ADAMTS10: variants seen among roughly 807,000 people sequenced by gnomAD.
ADAMTS10 encodes A disintegrin and metalloproteinase with thrombospondin motifs 10.
A neutral mutation model predicts 135.9 loss-of-function variants in ADAMTS10; 48 were observed. That is an observed-to-expected ratio of 0.35 (90% CI 0.28 to 0.45). The LOEUF (loss-of-function observed/expected upper bound fraction) is 0.45, where lower values mean the gene tolerates loss of function less well. ADAMTS10 is among the 20% of genes least tolerant of loss of function. ADAMTS10 has a pLI of 1.00. For synonymous variants in ADAMTS10, 621 were observed against 647.5 expected (o/e 0.96, Z 0.62); for missense variants, 1,131 against 1,565.2 (o/e 0.72, Z 4.68).
chr19:8,588,353 TGG>T (rs2042468260), intron 18 of ADAMTS10, among the ~76,000 whole-genome samples: 29 of 151,906 alleles, frequency 1.9e-4, no homozygotes, highest in Admixed American at 1.9e-3. Flanking sequence ...CCCAAAGCCC[TGG>T]GATTACAGGT....
intron 22 of ADAMTS10, 80 bp downstream of exon 22, chr19:8,586,041 AC>A: frequency 3.1e-6 from 5 of 1,601,882 alleles, no homozygotes; most frequent in Non-Finnish European, 3.4e-6. Context: ...TCTGCTCCCC[AC>A]CCCCCTGGAG....
chr19:8,605,021 A>G lies in ADAMTS10; in HGVS notation c.426T>C (p.Cys142=). The part of the protein sequence containing the change: ...ASSSHVAIST[C]GGLHGLIVAD... The stretch of plus-strand genomic sequence containing the variant: ...AGAATCCTCAGCTCACCAGGCCTCC[A>G]CAGGTGCTGATGGCCACATGGGAGC... The change falls in exon 4 of 26, where the codon TGT becomes TGC. Residue 142 remains cysteine, a synonymous_variant. Transcript: ENST00000597188. This position sits in a 1 kb window ranked among gnomAD's most constrained non-coding sequence, Gnocchi z 7.7. 1.2e-6 allele frequency: 2 copies of G among 1,605,450 alleles called. No individual in the cohort carries two copies. Among genetic ancestry groups the G allele is most frequent in the Non-Finnish European group, 1.7e-6 (2 of 1,176,742 alleles).
At chr19:8,603,088 C>T (rs575888927) in intron 5 of ADAMTS10, among the ~76,000 whole-genome samples, 1 of 152,302 alleles carries the variant, frequency 6.6e-6, no homozygotes, top group Admixed American at 6.5e-5. Flanking sequence ...GTATCTGATA[C>T]AACCACCACA....
chr19:8,600,710 G>A (rs1458379383), intron 6 of ADAMTS10, among the ~76,000 whole-genome samples: 4 of 151,956 alleles, frequency 2.6e-5, no homozygotes, highest in South Asian at 2.1e-4. Context: ...GTGTTAGCCA[G>A]GATGGTCTCC....
intron 6 of ADAMTS10, among the ~76,000 whole-genome samples, chr19:8,598,650 C>T (rs2042631128): frequency 6.9e-6 from 1 of 145,414 alleles, no homozygotes; most frequent in Admixed American, 7.2e-5. Context: ...AATCTTGGCT[C>T]ACTCACCTCC....
chr19:8,600,549 A>T (rs1359617170), intron 6 of ADAMTS10, among the ~76,000 whole-genome samples: 27 of 135,808 alleles, frequency 2.0e-4, no homozygotes, highest in South Asian at 2.3e-4. Context: ...CCCAGGCTGG[A>T]GTGCAGTGGC....
chr19:8,583,266 C>T (rs377340147), intron 25 of ADAMTS10, among the ~76,000 whole-genome samples: 2 of 151,900 alleles, frequency 1.3e-5, no homozygotes, highest in Non-Finnish European at 2.9e-5. Flanking sequence ...ATGGACCTGG[C>T]GCGGTGGCTC....
intron 12 of ADAMTS10, 64 bp downstream of exon 12, chr19:8,595,698 T>TGCCCCCCCC: frequency 1.5e-6 from 2 of 1,291,948 alleles, no homozygotes; most frequent in Non-Finnish European, 2.2e-6. Flanking sequence ...CTGGTGGAGT[T>TGCCCCCCCC]CCCTCCCCCA....
At position 8,596,686 on chromosome 19, in the gene ADAMTS10, C is replaced by T. The variant is rs781872602; in HGVS notation, c.1041-101G>A. ...TGGGGGTTGAGTCCTGCCTTGGAGGCGCCATCTGCCTCTCACCTGAAGCTG... is the reference window on the plus strand; with the variant it reads ...TGGGGGTTGAGTCCTGCCTTGGAGGTGCCATCTGCCTCTCACCTGAAGCTG... On this transcript the variant is annotated intron_variant, in intron 8 of 25. Coordinates refer to ENST00000597188, the MANE Select transcript of ADAMTS10 (RefSeq NM_030957.4). This position sits in a 1 kb window ranked among gnomAD's most constrained non-coding sequence, Gnocchi z 7.2. 7.0e-6 allele frequency: 10 copies of T among 1,427,690 alleles called. No homozygotes were observed. Among genetic ancestry groups the T allele is most frequent in the Middle Eastern group, 2.6e-4 (1 of 3,918 alleles). 88.4% of individuals were successfully genotyped at this position (1,427,690 alleles called of 1,614,324 possible). A position where few individuals can be genotyped will look rare whatever the true frequency, so the allele number is the denominator to read the frequency against.
Position 8,605,231 on chromosome 19 carries a change from G to C in ADAMTS10, c.216C>G (p.Ala72=). 6.2e-7 allele frequency: 1 copy of C among 1,613,598 alleles called. No individual in the cohort carries two copies. Among genetic ancestry groups the C allele is most frequent in the Non-Finnish European group, 8.5e-7 (1 of 1,179,772 alleles). The change falls in exon 4 of 26, where the codon GCC becomes GCG. Residue 72 remains alanine, a synonymous_variant. Transcript: ENST00000597188. The surrounding 1 kb of genome is among the most constrained non-coding windows in gnomAD (Gnocchi z 7.7). The stretch of plus-strand genomic sequence containing the variant: ...CCACTTTGTAGAAGAGGCGGGACTC[G>C]GCTGTGGCCCCCGTGCCGCGGCGCT... ...RRQRRGTGAT[A]ESRLFYKVAS...
chr19:8,587,735 A>T (rs868915454), intron 18 of ADAMTS10, among the ~76,000 whole-genome samples: 5 of 151,732 alleles, frequency 3.3e-5, no homozygotes, highest in South Asian at 2.1e-4. Flanking sequence ...ATTGAGACCA[A>T]CCTGGCTAAC....
chr19:8,605,533 C>G lies in ADAMTS10; in HGVS notation c.88+90G>C. On this transcript the variant is annotated intron_variant, in intron 3 of 25. Coordinates refer to ENST00000597188, the MANE Select transcript of ADAMTS10 (RefSeq NM_030957.4). The surrounding 1 kb of genome is among the most constrained non-coding windows in gnomAD (Gnocchi z 7.7). ...GGGCCTTCCCCCATTGACCCCCATCCCAGCCCCCTGATGCCTCTTTCTGTT... is the reference window on the plus strand; with the variant it reads ...GGGCCTTCCCCCATTGACCCCCATCGCAGCCCCCTGATGCCTCTTTCTGTT... 1 of 1,522,518 alleles carries G rather than the reference C, an allele frequency of 6.6e-7. No individual in the cohort carries two copies. The highest frequency in any genetic ancestry group is 8.9e-7 in the Non-Finnish European group (1 of 1,125,286). The allele number at this position is 1,522,518 out of a possible 1,614,324, so 94.3% of individuals were successfully genotyped here.
At position 8,586,736 on chromosome 19, in the gene ADAMTS10, A is replaced by G. The variant is rs926830513; in HGVS notation, c.2240-15T>C. 6.2e-7 allele frequency: 1 copy of G among 1,614,088 alleles called. No homozygotes were observed. The highest frequency in any genetic ancestry group is 1.7e-5 in the Admixed American group (1 of 60,008). On this transcript the variant is annotated splice_polypyrimidine_tract_variant and intron_variant, in intron 19 of 25. Transcript: ENST00000597188. The stretch of plus-strand genomic sequence containing the variant: ...TCCCTTCAGGGCTGGGGGACGATGC[A>G]GGGTTCAGAATTCTAGTCATGCTGA...
chr19:8,597,105 C>T lies in ADAMTS10; in HGVS notation c.922G>A (p.Gly308Arg), dbSNP rs372881047. The change falls in exon 8 of 26, where the codon GGG (glycine) becomes AGG (arginine). Residue 308 changes from glycine (G) to arginine (R), a missense_variant. Around this residue, in one of 3 missense-constraint regions of ADAMTS10, gnomAD observed 80 missense variants for 164.4 expected, o/e 0.49. Transcript: ENST00000597188. ...QPTLEITHHA[G>R]KSLDSFCKWQ... is the part of the protein sequence containing the mutation. The stretch of plus-strand genomic sequence containing the variant: ...TTACAGAAGCTGTCCAGGGACTTCC[C>T]GGCATGGTGGGTGATCTCCAGAGTG... 8.2e-5 allele frequency: 133 copies of T among 1,614,012 alleles called. No homozygotes were observed. The highest frequency in any genetic ancestry group is 1.0e-4 in the Non-Finnish European group (118 of 1,180,044).
intron 25 of ADAMTS10, among the ~76,000 whole-genome samples, chr19:8,581,703 C>T (rs535728043): frequency 6.6e-6 from 1 of 151,848 alleles, no homozygotes; most frequent in African/African-American, 2.4e-5. Flanking sequence ...GGCGTGGTGG[C>T]GGGTGCCTGT....
chr19:8,585,244 C>T lies in ADAMTS10; in HGVS notation c.2930G>A (p.Arg977His). The change falls in exon 24 of 26, where the codon CGC becomes CAC. Residue 977 changes from arginine (R) to histidine (H), a missense_variant. Around this residue, in one of 3 missense-constraint regions of ADAMTS10, gnomAD observed 745 missense variants for 1,056.3 expected, o/e 0.71. Coordinates refer to ENST00000597188, the MANE Select transcript of ADAMTS10 (RefSeq NM_030957.4). ...RVVLCKSADH[R>H]ATLPPAHCSP... is the part of the protein sequence containing the mutation. Reference sequence around the variant, plus strand: ...GCAGTGCGCCGGGGGCAGCGTGGCGCGGTGGTCTGCGCTCTTGCAAAGGAC... The same window carrying T: ...GCAGTGCGCCGGGGGCAGCGTGGCGTGGTGGTCTGCGCTCTTGCAAAGGAC... 2 of 1,473,898 alleles carry T rather than the reference C, an allele frequency of 1.4e-6. No individual in the cohort carries two copies. Among genetic ancestry groups the T allele is most frequent in the Non-Finnish European group, 1.8e-6 (2 of 1,110,454 alleles). 91.3% of individuals were successfully genotyped at this position (1,473,898 alleles called of 1,614,324 possible). A position where few individuals can be genotyped will look rare whatever the true frequency, so the allele number is the denominator to read the frequency against.
At chr19:8,602,156 G>A (rs1359991140) in intron 5 of ADAMTS10, among the ~76,000 whole-genome samples, 1 of 152,170 alleles carries the variant, frequency 6.6e-6, no homozygotes, top group African/African-American at 2.4e-5. Context: ...ACTACAACCA[G>A]ATGGTCTCAT....
rs373819537 is a variant in ADAMTS10 at position 8,605,308 on chromosome 19, C to T, written c.139G>A (p.Val47Met). The change falls in exon 4 of 26, where the codon GTG becomes ATG. Residue 47 changes from valine (V) to methionine (M), a missense_variant. Around this residue, in one of 3 missense-constraint regions of ADAMTS10, gnomAD observed 306 missense variants for 344.4 expected, o/e 0.89. Transcript: ENST00000597188. This position sits in a 1 kb window ranked among gnomAD's most constrained non-coding sequence, Gnocchi z 7.7. ...ESYEIAFPTR[V>M]DHNGALLAFS... ...GCCAGCAGTGCCCCGTTGTGGTCCA[C>T]GCGGGTGGGGAAGGCGATCTCATAG... 27 of 1,611,358 alleles carry T rather than the reference C, an allele frequency of 1.7e-5. No individual in the cohort carries two copies. Among genetic ancestry groups the T allele is most frequent in the African/African-American group, 1.2e-4 (9 of 75,004 alleles).
Position 8,580,966 on chromosome 19 carries a change from A to C in ADAMTS10, c.3239T>G (p.Leu1080Arg). ...GCTGCAGAACTGAAATTTGAGCACCAGGGGGCAGTAGGCGACCTTGTTCAC... is the reference window on the plus strand; with the variant it reads ...GCTGCAGAACTGAAATTTGAGCACCCGGGGGCAGTAGGCGACCTTGTTCAC... Reference protein sequence around the residue: ...KDVNKVAYCPLVLKFQFCSRA... With the variant: ...KDVNKVAYCPRVLKFQFCSRA... Residue 1080 changes from leucine to arginine, a missense_variant, in exon 26 of 26, where the codon CTG becomes CGG. By Grantham distance (102) the Leu-to-Arg change is moderately radical. Transcript: ENST00000597188. 6.2e-7 allele frequency: 1 copy of C among 1,613,528 alleles called. No individual in the cohort carries two copies. The highest frequency in any genetic ancestry group is 8.5e-7 in the Non-Finnish European group (1 of 1,179,828).
Sources: allele counts gnomAD v4.1 joint callset (sites outside exome capture counted in the v4.1 genomes callset), GRCh38; gene constraint gnomAD v4.1.1; regional missense constraint gnomAD v4.1.1; non-coding constraint Gnocchi (gnomAD v3.1); transcripts MANE v1.5; gene names NCBI Gene and HGNC (gene_info 2026-07-23, HGNC 2026-07-21).